The following CD180 variants were observed in gnomAD, a reference collection of about 807,000 sequenced individuals.
The protein encoded by CD180 is CD180 antigen.
A neutral mutation model predicts 10.7 loss-of-function variants in CD180; 11 were observed. That is an observed-to-expected ratio of 1.03 (90% confidence interval 0.65 to 1.70). The LOEUF is 1.70. Ranked by LOEUF, CD180 falls within the 40% of genes most tolerant of loss-of-function variation. The pLI, the probability that CD180 is intolerant of heterozygous loss-of-function variation, is 0.00. For synonymous variants in CD180, 286 were observed against 294.6 expected (o/e 0.97, Z 0.30); for missense variants, 729 against 775.2 (o/e 0.94, Z 0.71).
At chr5:67,189,742 T>C (rs980855478) in intron 1 of CD180, among the ~76,000 whole-genome samples, 4 of 152,124 alleles carry the variant, frequency 2.6e-5, no homozygotes, top group Admixed American at 6.5e-5. Context: ...TTTCAGACTA[T>C]TGTAATTTTT....
intron 2 of CD180, among the ~76,000 whole-genome samples, chr5:67,184,957 T>C (rs928299491): frequency 2.4e-4 from 37 of 152,062 alleles, no homozygotes; most frequent in Middle Eastern, 3.2e-3. Context: ...CATATATATA[T>C]ACACACACAA....
chr5:67,195,105 T>A (rs146569753), intron 1 of CD180, among the ~76,000 whole-genome samples: 1 of 152,300 alleles, frequency 6.6e-6, no homozygotes, highest in East Asian at 1.9e-4. Flanking sequence ...GCCAACACCT[T>A]GATCTTAAAA....
intron 1 of CD180, among the ~76,000 whole-genome samples, chr5:67,195,023 G>A (rs140439024): frequency 1.3e-5 from 2 of 152,278 alleles, no homozygotes; most frequent in East Asian, 1.9e-4. Context: ...CACAGGAAAG[G>A]CCATGAGAGG....
chr5:67,196,612 C>G lies in CD180; in HGVS notation c.30G>C (p.Trp10Cys), dbSNP rs753346543. The change falls in exon 1 of 3, where the codon TGG (tryptophan) becomes TGC (cysteine). Residue 10 changes from tryptophan (W) to cysteine (C), a missense_variant. Physicochemically the swap from Trp to Cys is radical, Grantham distance 215. Coordinates refer to ENST00000256447, the MANE Select transcript of CD180 (RefSeq NM_005582.3). ...TACAGCCGGCAGAAAACAGCACCAC[C>G]CAAAAGAAGCAGCTGACGTCAAACG... The part of the protein sequence containing the change: MAFDVSCFF[W>C]VVLFSAGCKV... 1 of 1,613,872 alleles carries G rather than the reference C, an allele frequency of 6.2e-7. No homozygotes were observed. The highest frequency in any genetic ancestry group is 1.7e-5 in the Admixed American group (1 of 59,994).
intron 1 of CD180, among the ~76,000 whole-genome samples, chr5:67,191,899 C>T (rs1387528653): frequency 2.0e-5 from 3 of 152,076 alleles, no homozygotes; most frequent in Admixed American, 6.6e-5. Context: ...ATCTTGACTC[C>T]TACTTGTATG....
At chr5:67,192,720 C>T (rs1240272959) in intron 1 of CD180, among the ~76,000 whole-genome samples, 1 of 152,130 alleles carries the variant, frequency 6.6e-6, no homozygotes, top group African/African-American at 2.4e-5. Context: ...CAGGCCCTAC[C>T]TCCACCACTG....
chr5:67,186,671 C>G (rs1022138888), intron 1 of CD180, among the ~76,000 whole-genome samples: 3 of 152,134 alleles, frequency 2.0e-5, no homozygotes, highest in African/African-American at 7.2e-5. Flanking sequence ...GACAATCAAA[C>G]ATTACATACT....
rs1189924642 is a variant in CD180, at chr5:67,181,808, T to G, written c.*1049A>C. ...GCCCCTGTCCATGGCTGGTGTGACC[T>G]TTGGTGACATCCCCAGCCTCAACAG... is the stretch of plus-strand genomic sequence containing the variant. On this transcript the variant is annotated 3_prime_UTR_variant, in exon 3 of 3. Coordinates refer to ENST00000256447, the MANE Select transcript of CD180 (RefSeq NM_005582.3). The G allele has an allele frequency of 2.0e-5, 3 of 152,186 alleles. No homozygotes were observed. The highest frequency in any genetic ancestry group is 4.4e-5 in the Non-Finnish European group (3 of 68,030). The allele number at this position is 152,186 out of a possible 1,614,324, so 9.4% of individuals were successfully genotyped here.
intron 2 of CD180, 123 bp from the exon 3 acceptor site, chr5:67,184,708 C>T: frequency 2.6e-6 from 2 of 776,236 alleles, no homozygotes; most frequent in Non-Finnish European, 4.0e-6. Flanking sequence ...GAACTTTCTT[C>T]AATATCAACA....
At chr5:67,187,912 T>C (rs1469179681) in intron 1 of CD180, among the ~76,000 whole-genome samples, 1 of 152,110 alleles carries the variant, frequency 6.6e-6, no homozygotes, top group Non-Finnish European at 1.5e-5. Context: ...GGACTCCTGA[T>C]AAAGCAAGTA....
intron 1 of CD180, among the ~76,000 whole-genome samples, chr5:67,186,785 C>T (rs1160558044): frequency 1.3e-5 from 2 of 151,800 alleles, no homozygotes; most frequent in African/African-American, 2.4e-5. Context: ...TTTAACTTCA[C>T]ATCTCAAAGT....
At chr5:67,194,303 G>T (rs1394380020) in intron 1 of CD180, among the ~76,000 whole-genome samples, 1 of 152,116 alleles carries the variant, frequency 6.6e-6, no homozygotes, top group Non-Finnish European at 1.5e-5. Context: ...TACTGTTCAG[G>T]AGTCATGTGG....
rs1005956409 is a variant in CD180 at position 67,181,847 on chromosome 5, C to G, written c.*1010G>C. 13 of 152,270 alleles carry G rather than the reference C, an allele frequency of 8.5e-5. No individual in the cohort carries two copies. The highest frequency in any genetic ancestry group is 2.7e-4 in the African/African-American group (11 of 41,462). The allele number at this position is 152,270 out of a possible 1,614,324, so 9.4% of individuals were successfully genotyped here. A position where few individuals can be genotyped will look rare whatever the true frequency, so the allele number is the denominator to read the frequency against. ...CAGCCTCAACAGAAACCACTTCTCA[C>G]TAAGCCAGCTTTACTGTGTTCCCAA... On this transcript the variant is annotated 3_prime_UTR_variant, in exon 3 of 3. Transcript: ENST00000256447.
intron 1 of CD180, among the ~76,000 whole-genome samples, chr5:67,190,214 T>G (rs1476381891): frequency 6.6e-6 from 1 of 152,238 alleles, no homozygotes; most frequent in African/African-American, 2.4e-5. Flanking sequence ...GTAGAAATAC[T>G]GCATTAGTAA....
At chr5:67,196,459 T>G in intron 1 of CD180, 93 bp downstream of exon 1, 1 of 1,181,302 alleles carries the variant, frequency 8.5e-7, no homozygotes, top group Non-Finnish European at 1.2e-6. Context: ...AGACACTAGA[T>G]ATTGGGATGC....
intron 1 of CD180, among the ~76,000 whole-genome samples, chr5:67,192,411 GA>G (rs998909275): frequency 1.3e-5 from 2 of 151,898 alleles, no homozygotes; most frequent in Non-Finnish European, 2.9e-5. Context: ...AAGAAAGAAA[GA>G]AAAAAGAAAC....
chr5:67,187,852 A>C (rs1742226648), intron 1 of CD180, among the ~76,000 whole-genome samples: 1 of 152,170 alleles, frequency 6.6e-6, no homozygotes, highest in Non-Finnish European at 1.5e-5. Flanking sequence ...TTCCACACTC[A>C]TGAATGAATT....
intron 2 of CD180, among the ~76,000 whole-genome samples, chr5:67,185,554 T>G (rs770487305): frequency 6.6e-6 from 1 of 152,216 alleles, no homozygotes; most frequent in Non-Finnish European, 1.5e-5. Context: ...TTTAGCATAG[T>G]TTGGCATCTG....
chr5:67,185,062 T>TCACACACACA (rs57251966), intron 2 of CD180, among the ~76,000 whole-genome samples: 4 of 145,008 alleles, frequency 2.8e-5, no homozygotes, highest in Non-Finnish European at 3.0e-5. Flanking sequence ...AAATACTGGA[T>TCACACACACA]CACACACACA....
Sources: gnomAD v4.1 joint callset for allele counts (sites outside exome capture counted in the v4.1 genomes callset) on GRCh38, gnomAD v4.1.1 for gene constraint, MANE v1.5 for transcripts, NCBI Gene and HGNC (gene_info 2026-07-23, HGNC 2026-07-21) for gene names.